Variants in BBS4 observed in about 807,000 individuals in gnomAD.
BBS4 encodes the protein BBSome complex member BBS4.
A neutral mutation model predicts 71.4 loss-of-function variants in BBS4; 58 were observed. That is an observed-to-expected ratio of 0.81 (90% CI 0.66 to 1.01). The LOEUF (loss-of-function observed/expected upper bound fraction) is 1.01, where lower values mean the gene tolerates loss of function less well. Among genes scored for constraint, BBS4 ranks in the 50% least tolerant of loss-of-function variants. The pLI, the probability that BBS4 is intolerant of heterozygous loss-of-function variation, is 0.00. For missense variants in BBS4, 660 were observed against 607.9 expected (o/e 1.09, Z -0.90); for synonymous variants, 228 against 216.8 (o/e 1.05, Z -0.46).
At chr15:72,735,219 G>A in intron 13 of BBS4, 37 bp downstream of exon 13, 3 of 1,540,024 alleles carry the variant, frequency 1.9e-6, no homozygotes, top group Non-Finnish European at 2.7e-6. Context: ...GGCGGGGGTT[G>A]GACTCTCCAA....
At chr15:72,699,650 A>G (rs1328201495) in intron 2 of BBS4, among the ~76,000 whole-genome samples, 1 of 152,148 alleles carries the variant, frequency 6.6e-6, no homozygotes, top group Non-Finnish European at 1.5e-5. Context: ...GCCAGATGCA[A>G]CCACCATTCT....
intron 7 of BBS4, among the ~76,000 whole-genome samples, chr15:72,723,250 A>G (rs186944669): frequency 5.9e-5 from 9 of 152,270 alleles, no homozygotes; most frequent in Non-Finnish European, 8.8e-5. Flanking sequence ...GTCATTGAAA[A>G]TAAATTTTAA....
rs138383241 is a variant in BBS4 at position 72,704,950 on chromosome 15, T to A, written c.77-4750T>A. Among the ~76,000 whole-genome samples the A allele has an allele frequency of 8.3e-4, 126 of 152,158 alleles. 1 individual carries two copies. The highest frequency in any genetic ancestry group is 2.9e-3 in the African/African-American group (121 of 41,512). On this transcript the variant is annotated intron_variant, in intron 2 of 15. Transcript: ENST00000268057. ...AAACAGCAACAATAATAGGTAACAT[T>A]TCTTTAAGGCCTACTATGTACCAGG...
intron 13 of BBS4, 142 bp downstream of exon 13, chr15:72,735,324 GGGATGT>G: frequency 1.4e-6 from 1 of 704,040 alleles, no homozygotes; most frequent in South Asian, 1.5e-5. Context: ...TCAGTGTGGA[GGGATGT>G]GTCTCCTAAG....
intron 13 of BBS4, chr15:72,735,581 G>A (rs2065905379): frequency 1.7e-6 from 1 of 585,150 alleles, no homozygotes; most frequent in African/African-American, 1.9e-5. Context: ...TTCAACCCTG[G>A]CCTAGGTAGT....
intron 8 of BBS4, among the ~76,000 whole-genome samples, chr15:72,725,149 C>T (rs2151035367): frequency 6.6e-6 from 1 of 151,956 alleles, no homozygotes; most frequent in Middle Eastern, 3.4e-3. Flanking sequence ...CAGCCTCAAC[C>T]TCTTGGGCTA....
At chr15:72,720,311 C>T (rs1274579353) in intron 6 of BBS4, among the ~76,000 whole-genome samples, 1 of 151,268 alleles carries the variant, frequency 6.6e-6, no homozygotes, top group Non-Finnish European at 1.5e-5. Context: ...CATAGAGACC[C>T]AGTTTCTAGG....
intron 4 of BBS4, among the ~76,000 whole-genome samples, chr15:72,713,314 GACACACACAC>G (rs36072427): frequency 1.2e-4 from 17 of 143,554 alleles, no homozygotes; most frequent in African/African-American, 2.9e-4. Flanking sequence ...AGGTCTTTGT[GACACACACAC>G]ACACACACAC....
intron 3 of BBS4, among the ~76,000 whole-genome samples, chr15:72,711,341 G>A (rs1165687972): frequency 6.6e-6 from 1 of 151,466 alleles, no homozygotes; most frequent in Non-Finnish European, 1.5e-5. Flanking sequence ...TAGAGATGGG[G>A]TTTTTCCATG....
rs1185722792 is a variant in BBS4 at position 72,737,673 on chromosome 15, A to G, written c.*86A>G. 2 of 1,068,200 alleles carry G rather than the reference A, an allele frequency of 1.9e-6. No homozygotes were observed. Among genetic ancestry groups the G allele is most frequent in the Non-Finnish European group, 2.8e-6 (2 of 718,330 alleles). 66.2% of individuals were successfully genotyped at this position (1,068,200 alleles called of 1,614,324 possible). On this transcript the variant is annotated 3_prime_UTR_variant, in exon 16 of 16. Transcript: ENST00000268057. ...AGGTGACATGACACAGGCAGAGCAG[A>G]GTGGCACCCACCACAGAATACAGTG...
chr15:72,732,793 G>A (rs1261824996), intron 12 of BBS4, among the ~76,000 whole-genome samples: 1 of 152,216 alleles, frequency 6.6e-6, no homozygotes, highest in Non-Finnish European at 1.5e-5. Flanking sequence ...AGGAGGTAGA[G>A]GGAGCAAGGG....
chr15:72,732,715 G>A (rs1346507286), intron 12 of BBS4, among the ~76,000 whole-genome samples: 1 of 152,210 alleles, frequency 6.6e-6, no homozygotes, highest in Non-Finnish European at 1.5e-5. Flanking sequence ...AAGATAGTCT[G>A]TTACAATTCC....
chr15:72,732,169 A>G (rs184920435), intron 12 of BBS4, among the ~76,000 whole-genome samples: 36 of 152,096 alleles, frequency 2.4e-4, no homozygotes, highest in Non-Finnish European at 2.8e-4. Context: ...TGAAATACTG[A>G]TTTTTGAAAA....
intron 1 of BBS4, among the ~76,000 whole-genome samples, chr15:72,692,611 C>CTGTT (rs571896609): frequency 6.7e-6 from 1 of 150,208 alleles, no homozygotes; most frequent in South Asian, 2.1e-4. Flanking sequence ...CCACACCTGG[C>CTGTT]TGTTTGTTTG....
chr15:72,688,411 C>CTTTTTTT (rs58644289), intron 1 of BBS4, among the ~76,000 whole-genome samples: 2,366 of 82,944 alleles, frequency 0.029, 113 homozygotes, highest in Middle Eastern at 0.037. Flanking sequence ...GGTATTTTAT[C>CTTTTTTT]TTTTTTTTTT....
Position 72,736,952 on chromosome 15 carries a change from C to T in BBS4, c.1439C>T (p.Thr480Met), listed in dbSNP as rs754792792. 49 of 1,613,984 alleles carry T rather than the reference C, an allele frequency of 3.0e-5. No homozygotes were observed. The highest frequency in any genetic ancestry group is 2.2e-4 in the East Asian group (10 of 44,890). ...QAMSSAAAYR[T>M]LPSGAGGTSQ... is the part of the protein sequence containing the mutation. Reference sequence around the variant, plus strand: ...ATGTCTTCAGCAGCTGCATACAGGACGCTCCCCTCAGGTAGGACCATACAG... The same window carrying T: ...ATGTCTTCAGCAGCTGCATACAGGATGCTCCCCTCAGGTAGGACCATACAG... Residue 480 changes from threonine (T) to methionine (M), a missense_variant, in exon 15 of 16, where the codon ACG becomes ATG. By Grantham distance (81) the Thr-to-Met change is moderately conservative. Coordinates refer to ENST00000268057, the MANE Select transcript of BBS4 (RefSeq NM_033028.5).
At chr15:72,728,499 G>GAA (rs891021616) in intron 9 of BBS4, among the ~76,000 whole-genome samples, 1 of 142,876 alleles carries the variant, frequency 7.0e-6, no homozygotes, top group Admixed American at 7.0e-5. Flanking sequence ...TCCTGTCTCA[G>GAA]AAAAAAAAAA....
intron 8 of BBS4, 133 bp downstream of exon 8, chr15:72,724,788 T>G (rs957421173): frequency 8.3e-7 from 1 of 1,200,066 alleles, no homozygotes; most frequent in Non-Finnish European, 1.2e-6. Flanking sequence ...AGCTGAAGTT[T>G]AAGAGCTCCC....
At position 72,736,766 on chromosome 15, in the gene BBS4, T is replaced by C; in HGVS notation, c.1253T>C (p.Val418Ala). 6.2e-7 allele frequency: 1 copy of C among 1,614,168 alleles called. No homozygotes were observed. The highest frequency in any genetic ancestry group is 1.7e-5 in the Admixed American group (1 of 60,018). ...NSSLEFDSEM[V>A]EMAQKLGAAL... is the part of the protein sequence containing the mutation. ...TACTTCCTTTGTGGACACAAGATGGTGGAGATGGCTCAGAAGTTGGGAGCT... is the reference window on the plus strand; with the variant it reads ...TACTTCCTTTGTGGACACAAGATGGCGGAGATGGCTCAGAAGTTGGGAGCT... Residue 418 changes from valine to alanine, a missense_variant, in exon 15 of 16, where the codon GTG (valine) becomes GCG (alanine). Physicochemically the swap from Val to Ala is moderately conservative, Grantham distance 64. Transcript: ENST00000268057.
Sources: gnomAD v4.1 joint callset for allele counts (sites outside exome capture counted in the v4.1 genomes callset) on GRCh38, gnomAD v4.1.1 for gene constraint, MANE v1.5 for transcripts, NCBI Gene and HGNC (gene_info 2026-07-23, HGNC 2026-07-21) for gene names.